The following PLD5 variants were observed in gnomAD, a reference collection of about 807,000 sequenced individuals.
PLD5 encodes phospholipase D family member 5, also known as inactive phospholipase D5.
A neutral mutation model predicts 61.1 loss-of-function variants in PLD5; 36 were observed. The ratio of observed to expected loss-of-function variants is 0.59; its 90% CI spans 0.45 to 0.78. PLD5 has a LOEUF of 0.78. Among genes scored for constraint, PLD5 ranks in the 30% least tolerant of loss-of-function variants. The probability of loss-of-function intolerance (pLI) is 0.00; values close to 1 mark genes in which losing one functional copy is unlikely to be tolerated. For synonymous variants in PLD5, 243 were observed against 242.8 expected (o/e 1.00, Z -0.01); for missense variants, 515 against 644.4 (o/e 0.80, Z 2.17).
At chr1:242,187,181 T>C (rs999857712) in intron 5 of PLD5, among the ~76,000 whole-genome samples, 23 of 152,304 alleles carry the variant, frequency 1.5e-4, no homozygotes, top group East Asian at 1.9e-4. Flanking sequence ...CATTCCTCAA[T>C]AGAGTCAAAG....
chr1:242,519,093 CTTTG>C (rs1669195954), intron 1 of PLD5, among the ~76,000 whole-genome samples: 4 of 152,170 alleles, frequency 2.6e-5, no homozygotes, highest in South Asian at 4.1e-4. Context: ...TTGCCAGACT[CTTTG>C]TTTGTTTGTT....
At chr1:242,110,684 C>G (rs1241822931) in intron 7 of PLD5, among the ~76,000 whole-genome samples, 1 of 151,958 alleles carries the variant, frequency 6.6e-6, no homozygotes, top group Non-Finnish European at 1.5e-5. Flanking sequence ...GTGGCATGTG[C>G]CTGCAGGCCC....
intron 1 of PLD5, among the ~76,000 whole-genome samples, chr1:242,427,682 A>C (rs1228711346): frequency 6.6e-6 from 1 of 152,226 alleles, no homozygotes; most frequent in African/African-American, 2.4e-5. Context: ...CAGTCTGTGC[A>C]TCATCTGGAG....
intron 2 of PLD5, among the ~76,000 whole-genome samples, chr1:242,292,418 CAT>C (rs1675421406): frequency 1.3e-5 from 2 of 152,162 alleles, no homozygotes; most frequent in Non-Finnish European, 2.9e-5. Context: ...ATAAACCAAA[CAT>C]ATGAGGGGAG....
intron 1 of PLD5, among the ~76,000 whole-genome samples, chr1:242,349,313 T>A (rs1195733715): frequency 6.6e-6 from 1 of 152,104 alleles, no homozygotes; most frequent in Non-Finnish European, 1.5e-5. Context: ...ATTGTAAATG[T>A]TTCTTATCAG....
intron 5 of PLD5, among the ~76,000 whole-genome samples, chr1:242,168,142 T>C (rs769929402): frequency 6.6e-6 from 1 of 152,262 alleles, no homozygotes; most frequent in Non-Finnish European, 1.5e-5. Flanking sequence ...GTCATCATAA[T>C]GGTTAACAAT....
At chr1:242,300,572 T>TG (rs1202083376) in intron 2 of PLD5, among the ~76,000 whole-genome samples, 1 of 148,516 alleles carries the variant, frequency 6.7e-6, no homozygotes, top group Non-Finnish European at 1.5e-5. Context: ...GGGGCAGAGT[T>TG]GGGGGGACGG....
At position 242,476,687 on chromosome 1, in the gene PLD5, T is replaced by C. The variant is rs919295793; in HGVS notation, c.189+47401A>G. ...TAGGTGACACTTCATCTAAAATTCA[T>C]AGGATGGTATAGATCAAGGCCAGAC... On this transcript the variant is annotated intron_variant, in intron 1 of 9. Transcript: ENST00000536534. Among the ~76,000 whole-genome samples, 16 of 152,212 alleles carry C rather than the reference T, an allele frequency of 1.1e-4. No homozygotes were observed. In the South Asian group the frequency reaches 1.7e-3, roughly 16 times the overall value.
chr1:242,348,079 A>G, intron 2 of PLD5, 27 bp downstream of exon 2: 1 of 1,610,366 alleles, frequency 6.2e-7, no homozygotes, highest in Non-Finnish European at 8.5e-7. Context: ...GCCCCCTAAA[A>G]GAGAATTTTT....
intron 1 of PLD5, among the ~76,000 whole-genome samples, chr1:242,433,886 G>C (rs1665854992): frequency 6.6e-6 from 1 of 152,184 alleles, no homozygotes; most frequent in Non-Finnish European, 1.5e-5. Context: ...CACTACTGAG[G>C]AGCAGGAGGT....
chr1:242,437,126 C>G (rs1666032487), intron 1 of PLD5, among the ~76,000 whole-genome samples: 1 of 152,148 alleles, frequency 6.6e-6, no homozygotes, highest in Non-Finnish European at 1.5e-5. Flanking sequence ...ACAAGATGAT[C>G]TGTAAGAACT....
At chr1:242,160,037 G>C (rs1162279620) in intron 5 of PLD5, among the ~76,000 whole-genome samples, 1 of 151,196 alleles carries the variant, frequency 6.6e-6, no homozygotes, top group African/African-American at 2.4e-5. Flanking sequence ...AGATAGATAG[G>C]GTCTTGCTTT....
intron 2 of PLD5, among the ~76,000 whole-genome samples, chr1:242,339,190 C>T (rs191186042): frequency 1.3e-5 from 2 of 152,018 alleles, no homozygotes; most frequent in African/African-American, 4.8e-5. Flanking sequence ...CTTGTATTTT[C>T]ATGGAAACTA....
intron 5 of PLD5, among the ~76,000 whole-genome samples, chr1:242,139,283 G>A (rs1483839513): frequency 6.6e-6 from 1 of 151,686 alleles, no homozygotes. Flanking sequence ...TTTTCAATTA[G>A]TAGCCTGCCA....
chr1:242,361,776 G>T (rs1661078398), intron 1 of PLD5, among the ~76,000 whole-genome samples: 1 of 152,076 alleles, frequency 6.6e-6, no homozygotes, highest in African/African-American at 2.4e-5. Context: ...TCTCTAACTA[G>T]AGAAAGTATT....
At chr1:242,261,879 G>C (rs1179132020) in intron 4 of PLD5, among the ~76,000 whole-genome samples, 1 of 152,232 alleles carries the variant, frequency 6.6e-6, no homozygotes, top group Non-Finnish European at 1.5e-5. Context: ...GTTTGTGAGA[G>C]TGTGAATTAG....
At chr1:242,201,780 G>C (rs1301326608) in intron 5 of PLD5, among the ~76,000 whole-genome samples, 1 of 152,046 alleles carries the variant, frequency 6.6e-6, no homozygotes, top group Non-Finnish European at 1.5e-5. Context: ...AACTTCCATG[G>C]TTTAAAGTGG....
chr1:242,181,751 C>T (rs563660233), intron 5 of PLD5, among the ~76,000 whole-genome samples: 28 of 152,002 alleles, frequency 1.8e-4, no homozygotes, highest in Middle Eastern at 3.4e-3. Context: ...CAACCACCTC[C>T]ATCTCCCAGG....
At chr1:242,208,815 T>C (rs913355206) in intron 5 of PLD5, among the ~76,000 whole-genome samples, 8 of 152,220 alleles carry the variant, frequency 5.3e-5, no homozygotes, top group African/African-American at 1.9e-4. Context: ...CATAGAAACC[T>C]TTTAATTCTT....
Sources: allele counts gnomAD v4.1 joint callset (sites outside exome capture counted in the v4.1 genomes callset), GRCh38; gene constraint gnomAD v4.1.1; transcripts MANE v1.5; gene names NCBI Gene and HGNC (gene_info 2026-07-23, HGNC 2026-07-21).